The following MIPOL1 variants were observed in gnomAD, a reference collection of about 807,000 sequenced individuals.
MIPOL1 encodes the protein mirror-image polydactyly 1, also known as mirror-image polydactyly gene 1 protein.
MIPOL1 carries 57 observed loss-of-function variants against 60.9 expected under a neutral mutation model. The ratio of observed to expected loss-of-function variants is 0.94; its 90% CI spans 0.76 to 1.17. MIPOL1 has a LOEUF of 1.17. Among genes scored for constraint, MIPOL1 ranks in the 50% most tolerant of loss-of-function variants. The pLI is 0.00. For missense variants in MIPOL1, 551 were observed against 511.6 expected, an observed-to-expected ratio of 1.08 and a Z score of -0.74; for synonymous variants, 179 against 168.8, an observed-to-expected ratio of 1.06 and a Z score of -0.47.
chr14:37,490,008 G>A (rs889909944), intron 11 of MIPOL1, among the ~76,000 whole-genome samples: 4 of 152,202 alleles, frequency 2.6e-5, no homozygotes, highest in African/African-American at 7.2e-5. Flanking sequence ...TCTCTTCAGA[G>A]CCATCAGGCA....
intron 12 of MIPOL1, among the ~76,000 whole-genome samples, chr14:37,520,312 AT>A (rs2095403891): frequency 1.3e-5 from 2 of 152,116 alleles, no homozygotes; most frequent in African/African-American, 4.8e-5. Context: ...ACATTAGAAA[AT>A]TTCATTCAGT....
At chr14:37,325,480 C>T (rs1172178900) in intron 9 of MIPOL1, among the ~76,000 whole-genome samples, 1 of 150,364 alleles carries the variant, frequency 6.7e-6, no homozygotes, top group Non-Finnish European at 1.5e-5. Flanking sequence ...TCTTTTCTTT[C>T]CTTCTTCCTC....
intron 10 of MIPOL1, among the ~76,000 whole-genome samples, chr14:37,381,064 A>G (rs926246006): frequency 6.6e-6 from 1 of 152,106 alleles, no homozygotes; most frequent in Non-Finnish European, 1.5e-5. Flanking sequence ...TGGCCACAGT[A>G]CTTCAGGGAG....
At chr14:37,390,924 G>T (rs936926061) in intron 10 of MIPOL1, among the ~76,000 whole-genome samples, 10 of 151,926 alleles carry the variant, frequency 6.6e-5, no homozygotes, top group African/African-American at 1.9e-4. Context: ...AATTCTTGAA[G>T]CTCTTAAGTA....
chr14:37,299,582 C>T (rs1123541), intron 7 of MIPOL1, among the ~76,000 whole-genome samples: 45,977 of 151,900 alleles, frequency 0.3, 7,198 homozygotes, highest in East Asian at 0.46. Flanking sequence ...GCCATCTTTA[C>T]TTGGAATTCC....
chr14:37,242,548 A>C, intron 1 of MIPOL1, among the ~76,000 whole-genome samples: 1 of 152,184 alleles, frequency 6.6e-6, no homozygotes, highest in East Asian at 1.9e-4. Context: ...TAAACCATAT[A>C]GGTTTTCCAT....
intron 11 of MIPOL1, among the ~76,000 whole-genome samples, chr14:37,446,061 A>G (rs1187232169): frequency 3.3e-5 from 5 of 152,208 alleles, no homozygotes; most frequent in African/African-American, 7.2e-5. Flanking sequence ...ACAAAAGCCA[A>G]AATTGACAAA....
Position 37,521,900 on chromosome 14 carries a change from A to ATGTATG in MIPOL1, c.1262+21763_1262+21764insGTATGT, listed in dbSNP as rs2095415876. On this transcript the variant is annotated intron_variant, in intron 12 of 12. Coordinates refer to ENST00000684589, the MANE Select transcript of MIPOL1 (RefSeq NM_001388067.1). ...TTTATCTAAAGAAAAAAAAATATAT[A>ATGTATG]TATATATATATTTTTTTTTTCTTTG... Among the ~76,000 whole-genome samples the ATGTATG allele has an allele frequency of 9.2e-5, 3 of 32,728 alleles. No individual in the cohort carries two copies. The East Asian group carries it at 3.4e-3, about 37-fold the overall frequency. 21.5% of individuals were successfully genotyped at this position (32,728 alleles called of 152,430 possible).
At chr14:37,464,050 A>T (rs186318938) in intron 11 of MIPOL1, among the ~76,000 whole-genome samples, 1 of 152,256 alleles carries the variant, frequency 6.6e-6, no homozygotes, top group African/African-American at 2.4e-5. Context: ...AATTAAAACC[A>T]CTATAAGATA....
chr14:37,329,008 C>T (rs1253315514), intron 9 of MIPOL1, among the ~76,000 whole-genome samples: 1 of 151,630 alleles, frequency 6.6e-6, no homozygotes, highest in Non-Finnish European at 1.5e-5. Flanking sequence ...ACAAAGAGAG[C>T]GGGCAGGTAA....
In MIPOL1 at chr14:37,495,619, G is replaced by A. The variant is rs1458332536; in HGVS notation, c.1032-4289G>A. Among the ~76,000 whole-genome samples the A allele has an allele frequency of 6.4e-3, 885 of 138,568 alleles. 9 individuals carry two copies. The highest frequency in any genetic ancestry group is 0.023 in the African/African-American group (852 of 36,380). The allele number at this position is 138,568 out of a possible 152,430, so 90.9% of individuals were successfully genotyped here. A position where few individuals can be genotyped will look rare whatever the true frequency, so the allele number is the denominator to read the frequency against. On this transcript the variant is annotated intron_variant, in intron 11 of 12. Coordinates refer to ENST00000684589, the MANE Select transcript of MIPOL1 (RefSeq NM_001388067.1). The stretch of plus-strand genomic sequence containing the variant: ...TGTGCATGTGTCTTTATAGCAGCAT[G>A]ATTTATAGTCCTTTGGGTATATACC...
At chr14:37,541,763 C>A (rs2095530663) in intron 12 of MIPOL1, among the ~76,000 whole-genome samples, 1 of 152,190 alleles carries the variant, frequency 6.6e-6, no homozygotes, top group Non-Finnish European at 1.5e-5. Context: ...ATTCTTTCTA[C>A]CTCCGTTCTT....
rs184391918 is a variant in MIPOL1, at chr14:37,424,914, G to C, written c.1031+1965G>C. Among the ~76,000 whole-genome samples the C allele has an allele frequency of 5.9e-5, 9 of 152,316 alleles. No homozygotes were observed. The East Asian group carries it at 1.4e-3, about 23-fold the overall frequency. Reference sequence around the variant, plus strand: ...AGCCCACCCCATGCTGATTACATCAGTGTGTTTTTAAAGCTCTCTAGAAAA... The same window carrying C: ...AGCCCACCCCATGCTGATTACATCACTGTGTTTTTAAAGCTCTCTAGAAAA... On this transcript the variant is annotated intron_variant, in intron 11 of 12. Transcript: ENST00000684589.
intron 1 of MIPOL1, among the ~76,000 whole-genome samples, chr14:37,234,162 A>G (rs1594635741): frequency 6.6e-6 from 1 of 152,120 alleles, no homozygotes; most frequent in South Asian, 2.1e-4. Flanking sequence ...TTATTCTTCA[A>G]TCAGAATTGT....
intron 9 of MIPOL1, among the ~76,000 whole-genome samples, chr14:37,365,489 T>G (rs923030929): frequency 6.6e-6 from 1 of 152,218 alleles, no homozygotes; most frequent in African/African-American, 2.4e-5. Flanking sequence ...TCCTTCACTC[T>G]GTTGATGTGA....
intron 9 of MIPOL1, among the ~76,000 whole-genome samples, chr14:37,362,253 G>C (rs1280461006): frequency 6.6e-6 from 1 of 152,172 alleles, no homozygotes; most frequent in African/African-American, 2.4e-5. Context: ...AGTACTGGTT[G>C]TTCCTTTCTA....
chr14:37,356,654 G>C (rs960352887), intron 9 of MIPOL1, among the ~76,000 whole-genome samples: 2 of 152,160 alleles, frequency 1.3e-5, no homozygotes, highest in Admixed American at 6.5e-5. Flanking sequence ...TATTCGGGTG[G>C]GAGTGACCCG....
At chr14:37,516,053 A>G (rs1197158538) in intron 12 of MIPOL1, among the ~76,000 whole-genome samples, 2 of 152,220 alleles carry the variant, frequency 1.3e-5, no homozygotes, top group Admixed American at 6.5e-5. Context: ...CAATGAAAAC[A>G]CAAAGCTCTT....
At chr14:37,326,674 GC>G (rs2089193416) in intron 9 of MIPOL1, among the ~76,000 whole-genome samples, 2 of 152,140 alleles carry the variant, frequency 1.3e-5, no homozygotes, top group Admixed American at 1.3e-4. Flanking sequence ...ATGTTGCCGA[GC>G]CCTTGCAGAA....
Sources: gnomAD v4.1 joint callset for allele counts (sites outside exome capture counted in the v4.1 genomes callset) on GRCh38, gnomAD v4.1.1 for gene constraint, MANE v1.5 for transcripts, NCBI Gene and HGNC (gene_info 2026-07-23, HGNC 2026-07-21) for gene names.